The following CSF2RB variants were observed in gnomAD, a reference collection of about 807,000 sequenced individuals.
CSF2RB encodes colony stimulating factor 2 receptor subunit beta.
In CSF2RB, 22 loss-of-function variants were observed where a neutral mutation model predicts 67.2. That is an observed-to-expected ratio of 0.33 (90% CI 0.23 to 0.47). The LOEUF (loss-of-function observed/expected upper bound fraction) is 0.47, where lower values mean the gene tolerates loss of function less well. Among genes scored for constraint, CSF2RB ranks in the 20% least tolerant of loss-of-function variants. CSF2RB has a pLI of 1.00. For synonymous variants in CSF2RB, 507 were observed against 482.9 expected, an observed-to-expected ratio of 1.05 and a Z score of -0.65; for missense variants, 1,113 against 1,174.5, an observed-to-expected ratio of 0.95 and a Z score of 0.76.
chr22:36,939,433 TAGACC>T lies in CSF2RB; in HGVS notation c.*934_*938del. 1 of 583,388 alleles carries T rather than the reference TAGACC, an allele frequency of 1.7e-6. No homozygotes were observed. Among genetic ancestry groups the T allele is most frequent in the Admixed American group, 2.9e-5 (1 of 34,870 alleles). The allele number at this position is 583,388 out of a possible 1,614,324, so 36.1% of individuals were successfully genotyped here. A position where few individuals can be genotyped will look rare whatever the true frequency, so the allele number is the denominator to read the frequency against. ...TGGCCCGGGTGGCCACTCTTCCAGA[TAGACC>T]AGGCAACTCTCCCTCCCACCGGCCA... On this transcript the variant is annotated 3_prime_UTR_variant, in exon 14 of 14. Transcript: ENST00000403662.
At chr22:36,928,940 A>T (rs1280836140) in intron 4 of CSF2RB, among the ~76,000 whole-genome samples, 1 of 152,130 alleles carries the variant, frequency 6.6e-6, no homozygotes, top group Non-Finnish European at 1.5e-5. Context: ...CCGCCTGGAG[A>T]TGCAGATCCG....
chr22:36,934,903 G>T (rs1388820684), intron 10 of CSF2RB, among the ~76,000 whole-genome samples: 2 of 152,176 alleles, frequency 1.3e-5, no homozygotes, highest in African/African-American at 4.8e-5. Flanking sequence ...GGGAGCTCAG[G>T]GCTGGGCAGC....
rs747425773 is a variant in CSF2RB at position 36,938,163 on chromosome 22, C to T, written c.2355C>T (p.Val785=). ...RSPRSPRNNP[V]PPEAKSPVLN... ...CCAGGTCACCAAGGAACAATCCTGTCCCCCCTGAGGCCAAAAGCCCTGTCC... is the reference window on the plus strand; with the variant it reads ...CCAGGTCACCAAGGAACAATCCTGTTCCCCCTGAGGCCAAAAGCCCTGTCC... Residue 785 remains valine, a synonymous_variant, in exon 14 of 14, where the codon GTC becomes GTT. Transcript: ENST00000403662. 2.5e-6 allele frequency: 4 copies of T among 1,614,116 alleles called. No homozygotes were observed. The highest frequency in any genetic ancestry group is 2.5e-6 in the Non-Finnish European group (3 of 1,180,002).
Position 36,925,895 on chromosome 22 carries a change from A to C in CSF2RB, c.201-92A>C, listed in dbSNP as rs1773467569. On this transcript the variant is annotated intron_variant, in intron 3 of 13. Coordinates refer to ENST00000403662, the MANE Select transcript of CSF2RB (RefSeq NM_000395.3). ...TATCACTGCTGGCCCCTGATTCTGA[A>C]CAGAGCCAGGCATGTGGTGAGCACT... 3 of 1,393,686 alleles carry C rather than the reference A, an allele frequency of 2.2e-6. No homozygotes were observed. The Admixed American group carries it at 5.4e-5, about 25-fold the overall frequency. The allele number at this position is 1,393,686 out of a possible 1,614,324, so 86.3% of individuals were successfully genotyped here.
At chr22:36,916,380 A>C (rs1170413524) in intron 1 of CSF2RB, among the ~76,000 whole-genome samples, 4 of 152,228 alleles carry the variant, frequency 2.6e-5, no homozygotes, top group Admixed American at 2.6e-4. Context: ...AACATTGCTA[A>C]TTATGAGTGT....
intron 3 of CSF2RB, chr22:36,923,775 G>A (rs921138483): frequency 1.5e-5 from 19 of 1,293,364 alleles, no homozygotes; most frequent in African/African-American, 1.1e-4. Context: ...GAGAGATGGC[G>A]CTAGCCTGGG....
chr22:36,929,407 C>G lies in CSF2RB; in HGVS notation c.397C>G (p.Pro133Ala). The part of the protein sequence containing the change: ...LTVTLTQHVQ[P>A]PEPRDLQIST... ...CTTCACTTCCTCCCCTCCAGTCCAG[C>G]CTCCTGAGCCCAGGGACCTGCAGAT... The change falls in exon 5 of 14, where the codon CCT becomes GCT. Residue 133 changes from proline to alanine, a missense_variant. Around this residue, in one of 2 missense-constraint regions of CSF2RB, gnomAD observed 559 missense variants for 656.5 expected, o/e 0.85. Coordinates refer to ENST00000403662, the MANE Select transcript of CSF2RB (RefSeq NM_000395.3). 1 of 1,614,192 alleles carries G rather than the reference C, an allele frequency of 6.2e-7. No homozygotes were observed. Among genetic ancestry groups the G allele is most frequent in the Non-Finnish European group, 8.5e-7 (1 of 1,180,022 alleles).
At chr22:36,930,166 T>C (rs575721076) in intron 6 of CSF2RB, among the ~76,000 whole-genome samples, 3 of 152,236 alleles carry the variant, frequency 2.0e-5, no homozygotes, top group South Asian at 4.1e-4. Context: ...ATTTCCATTC[T>C]CCCGGGAGGG....
At chr22:36,935,595 T>C in intron 11 of CSF2RB, 35 bp from the exon 12 acceptor site, 1 of 1,613,616 alleles carries the variant, frequency 6.2e-7, no homozygotes, top group Middle Eastern at 1.7e-4. Flanking sequence ...GGCCATGAGG[T>C]CTCTGATGGC....
In CSF2RB at chr22:36,931,901, G is replaced by A. The variant is rs75951507; in HGVS notation, c.1013-864G>A. Among the ~76,000 whole-genome samples the A allele has an allele frequency of 5.9e-5, 9 of 152,244 alleles. No homozygotes were observed. In the East Asian group the frequency reaches 1.7e-3, roughly 29 times the overall value. On this transcript the variant is annotated intron_variant, in intron 8 of 13. Transcript: ENST00000403662. ...GGCGATGAGAACGTGTGAATGTCCT[G>A]GCCTTTAGTCAACTCCCTACACCTC...
intron 3 of CSF2RB, among the ~76,000 whole-genome samples, chr22:36,924,983 C>T (rs1172224945): frequency 6.6e-6 from 1 of 152,204 alleles, no homozygotes; most frequent in Admixed American, 6.5e-5. Flanking sequence ...TTCCCCTAAG[C>T]TCCAGCCCTC....
At chr22:36,921,921 G>C (rs752965226) in intron 1 of CSF2RB, 115 bp from the exon 2 acceptor site, 50 of 556,548 alleles carry the variant, frequency 9.0e-5, no homozygotes, top group Non-Finnish European at 1.4e-4. Context: ...TGCCGCAGGA[G>C]ACTGAGAGGT....
At chr22:36,923,447 G>A (rs1241775054) in intron 3 of CSF2RB, 80 bp downstream of exon 3, 3 of 1,564,048 alleles carry the variant, frequency 1.9e-6, no homozygotes, top group East Asian at 4.7e-5. Flanking sequence ...AGTGTAGAGA[G>A]GGACCTGTCA....
intron 1 of CSF2RB, 141 bp from the exon 2 acceptor site, chr22:36,921,895 A>G (rs911733663): frequency 5.9e-6 from 3 of 506,102 alleles, no homozygotes. Context: ...CACACAGCGC[A>G]TGTCCATTGC....
Position 36,936,659 on chromosome 22 carries a change from G to C in CSF2RB, c.1568+7G>C. ...GCTTCCCTGAGCTGGAGGGGTGAGT[G>C]GGCTCGTGGATCACTCCTGACCTTT... On this transcript the variant is annotated splice_region_variant and intron_variant, in intron 13 of 13. Coordinates refer to ENST00000403662, the MANE Select transcript of CSF2RB (RefSeq NM_000395.3). 6.2e-7 allele frequency: 1 copy of C among 1,610,274 alleles called. No homozygotes were observed.
At chr22:36,918,414 T>C (rs954141367) in intron 1 of CSF2RB, among the ~76,000 whole-genome samples, 3 of 152,196 alleles carry the variant, frequency 2.0e-5, no homozygotes, top group African/African-American at 4.8e-5. Context: ...AAGTATCCTA[T>C]TTGTTTTCTT....
At chr22:36,928,120 A>G (rs1353017858) in intron 4 of CSF2RB, among the ~76,000 whole-genome samples, 1 of 152,190 alleles carries the variant, frequency 6.6e-6, no homozygotes, top group African/African-American at 2.4e-5. Context: ...CAGATTAGCA[A>G]TGAATCAAGG....
Position 36,939,304 on chromosome 22 carries a change from G to C in CSF2RB, c.*802G>C. ...GCTGGCGGGACCTGGGGAACATCAG[G>C]AGAGGAGTCCAGAGCCCACGTCTAC... On this transcript the variant is annotated 3_prime_UTR_variant, in exon 14 of 14. Transcript: ENST00000403662. The C allele has an allele frequency of 1.4e-5, 10 of 701,622 alleles. No homozygotes were observed. The South Asian group carries it at 1.5e-4, about 10-fold the overall frequency. 43.5% of individuals were successfully genotyped at this position (701,622 alleles called of 1,614,324 possible). A position where few individuals can be genotyped will look rare whatever the true frequency, so the allele number is the denominator to read the frequency against.
chr22:36,927,806 G>A (rs1941054860), intron 4 of CSF2RB, among the ~76,000 whole-genome samples: 1 of 152,214 alleles, frequency 6.6e-6, no homozygotes, highest in Non-Finnish European at 1.5e-5. Flanking sequence ...TTCAGGCTGT[G>A]GCCTAAAGCA....
Sources: allele counts gnomAD v4.1 joint callset (sites outside exome capture counted in the v4.1 genomes callset), GRCh38; gene constraint gnomAD v4.1.1; regional missense constraint gnomAD v4.1.1; transcripts MANE v1.5; gene names NCBI Gene and HGNC (gene_info 2026-07-23, HGNC 2026-07-21).